SELENOT: variants seen among roughly 807,000 people sequenced by gnomAD.
SELENOT encodes the protein thioredoxin reductase-like selenoprotein T.
Under a neutral mutation model 24.3 loss-of-function variants are expected in SELENOT, and 9 were observed. The observed-to-expected ratio is 0.37, with a 90% CI of 0.22 to 0.65. The LOEUF (loss-of-function observed/expected upper bound fraction) is 0.65, where lower values mean the gene tolerates loss of function less well. SELENOT is among the 30% of genes least tolerant of loss of function. The probability of loss-of-function intolerance (pLI) is 0.60; values close to 1 mark genes in which losing one functional copy is unlikely to be tolerated. For synonymous variants in SELENOT, 81 were observed against 86.0 expected, an observed-to-expected ratio of 0.94 and a Z score of 0.32; for missense variants, 166 against 247.6, an observed-to-expected ratio of 0.67 and a Z score of 2.21.
At chr3:150,614,537 CAG>C (rs1364210123) in intron 1 of SELENOT, 2 of 154,214 alleles carry the variant, frequency 1.3e-5, no homozygotes, top group East Asian at 1.9e-4. Flanking sequence ...TATTTAGTGA[CAG>C]AGCTAGAACT....
intron 4 of SELENOT, among the ~76,000 whole-genome samples, chr3:150,625,127 C>CCTTCG (rs749652422): frequency 1.2e-4 from 18 of 151,730 alleles, no homozygotes; most frequent in Admixed American, 2.0e-4. Flanking sequence ...GAACTTCACA[C>CCTTCG]CTTCGAATTC....
Position 150,623,025 on chromosome 3 carries a change from T to C in SELENOT, c.249-18T>C. On this transcript the variant is annotated intron_variant, in intron 2 of 5. Coordinates refer to ENST00000471696, the MANE Select transcript of SELENOT (RefSeq NM_016275.5). ...GAAATTGTGGCTTCTGATGATTTTC[T>C]TTCTTTTCTTTTGATAGACACATAG... 1 of 1,504,062 alleles carries C rather than the reference T, an allele frequency of 6.6e-7. No individual in the cohort carries two copies. Among genetic ancestry groups the C allele is most frequent in the Non-Finnish European group, 8.9e-7 (1 of 1,125,968 alleles). The allele number at this position is 1,504,062 out of a possible 1,614,324, so 93.2% of individuals were successfully genotyped here.
chr3:150,627,201 G>C, intron 5 of SELENOT, 38 bp downstream of exon 5: 2 of 1,472,136 alleles, frequency 1.4e-6, no homozygotes, highest in South Asian at 2.7e-5. Flanking sequence ...ATAGGTTTCT[G>C]TTGATTCTTA....
At chr3:150,618,315 G>A (rs1271890543) in intron 1 of SELENOT, among the ~76,000 whole-genome samples, 2 of 152,188 alleles carry the variant, frequency 1.3e-5, no homozygotes, top group South Asian at 2.1e-4. Context: ...TGAATCAAAC[G>A]AGAGAGTGAA....
rs1452993847 is a variant in SELENOT at position 150,627,974 on chromosome 3, G to A, written c.*345G>A. On this transcript the variant is annotated 3_prime_UTR_variant, in exon 6 of 6. Coordinates refer to ENST00000471696, the MANE Select transcript of SELENOT (RefSeq NM_016275.5). ...CATATTTGAAAAAGTAGAAAATTGA[G>A]TTACAATTTGATTTTTTTTCCAAAG... 2 of 151,910 alleles carry A rather than the reference G, an allele frequency of 1.3e-5. No homozygotes were observed. Among genetic ancestry groups the A allele is most frequent in the Admixed American group, 1.3e-4 (2 of 15,264 alleles). 9.4% of individuals were successfully genotyped at this position (151,910 alleles called of 1,614,324 possible).
At chr3:150,623,195 C>T in intron 3 of SELENOT, 26 bp downstream of exon 3, 1 of 1,549,662 alleles carries the variant, frequency 6.5e-7, no homozygotes, top group Non-Finnish European at 8.7e-7. Flanking sequence ...GCTTTGGTAA[C>T]TGTAGGTTTT....
At chr3:150,625,851 T>TATC (rs1221052022) in intron 4 of SELENOT, among the ~76,000 whole-genome samples, 1 of 151,708 alleles carries the variant, frequency 6.6e-6, no homozygotes, top group Non-Finnish European at 1.5e-5. Flanking sequence ...AATTGACCAA[T>TATC]ATCTGTTCTA....
At position 150,603,401 on chromosome 3, in the gene SELENOT, G is replaced by T. The variant is rs748623821; in HGVS notation, c.39G>T (p.Ala13=). 11 of 1,613,044 alleles carry T rather than the reference G, an allele frequency of 6.8e-6. No individual in the cohort carries two copies. The highest frequency in any genetic ancestry group is 9.3e-6 in the Non-Finnish European group (11 of 1,179,306). Residue 13 remains alanine, a synonymous_variant, in exon 1 of 6, where the codon GCG becomes GCT. Transcript: ENST00000471696. Reference sequence around the variant, plus strand: ...TGCTTCTCCTAGTGGCGGCGTCTGCGATGGTCCGGAGCGAGGCCTCGGCCA... The same window carrying T: ...TGCTTCTCCTAGTGGCGGCGTCTGCTATGGTCCGGAGCGAGGCCTCGGCCA... The part of the protein sequence containing the change: ...LLLLLLVAAS[A]MVRSEASANL...
At position 150,628,347 on chromosome 3, in the gene SELENOT, TAACTA is replaced by T. The variant is rs1361867819; in HGVS notation, c.*721_*725del. ...GATTAATTAACTGGGCCTTTATACT[TAACTA>T]AATAAAAAACTAAGCAGATATGAGT... On this transcript the variant is annotated 3_prime_UTR_variant, in exon 6 of 6. Coordinates refer to ENST00000471696, the MANE Select transcript of SELENOT (RefSeq NM_016275.5). 2 of 152,630 alleles carry T rather than the reference TAACTA, an allele frequency of 1.3e-5. No individual in the cohort carries two copies. The highest frequency in any genetic ancestry group is 2.9e-5 in the Non-Finnish European group (2 of 68,016). The allele number at this position is 152,630 out of a possible 1,614,324, so 9.5% of individuals were successfully genotyped here.
intron 1 of SELENOT, among the ~76,000 whole-genome samples, chr3:150,607,624 T>G (rs1362063262): frequency 6.6e-6 from 1 of 152,218 alleles, no homozygotes; most frequent in Non-Finnish European, 1.5e-5. Context: ...TGTGGTGGTA[T>G]GAGAGATGCC....
rs1320290125 is a variant in SELENOT at position 150,630,287 on chromosome 3, CA to C, written c.*2663del. On this transcript the variant is annotated 3_prime_UTR_variant, in exon 6 of 6. Coordinates refer to ENST00000471696, the MANE Select transcript of SELENOT (RefSeq NM_016275.5). ...CATTGTCAGAATTTAATTTAGATTT[CA>C]AAAATAGCTTACAGGATTTTAAACA... The C allele has an allele frequency of 6.6e-6, 1 of 151,966 alleles. No homozygotes were observed. The highest frequency in any genetic ancestry group is 6.6e-5 in the Admixed American group (1 of 15,250). 9.4% of individuals were successfully genotyped at this position (151,966 alleles called of 1,614,324 possible).
intron 1 of SELENOT, among the ~76,000 whole-genome samples, chr3:150,605,471 C>A (rs1725942064): frequency 6.6e-6 from 1 of 152,088 alleles, no homozygotes; most frequent in South Asian, 2.1e-4. Context: ...GTAAGTACTT[C>A]AGTTAAACTT....
rs1726472839 is a variant in SELENOT at position 150,627,715 on chromosome 3, A to G, written c.*86A>G. ...CTGACATTATGAAGGCCTGTACTGAAGACAGCAAGCTGTTAGTACAGACCA... is the reference window on the plus strand; with the variant it reads ...CTGACATTATGAAGGCCTGTACTGAGGACAGCAAGCTGTTAGTACAGACCA... On this transcript the variant is annotated 3_prime_UTR_variant, in exon 6 of 6. Transcript: ENST00000471696. 6.5e-6 allele frequency: 1 copy of G among 152,734 alleles called. No individual in the cohort carries two copies. Among genetic ancestry groups the G allele is most frequent in the Non-Finnish European group, 1.5e-5 (1 of 68,086 alleles). 9.5% of individuals were successfully genotyped at this position (152,734 alleles called of 1,614,324 possible).
chr3:150,615,786 A>G (rs1277200655), intron 1 of SELENOT, among the ~76,000 whole-genome samples: 3 of 152,154 alleles, frequency 2.0e-5, no homozygotes, highest in South Asian at 4.2e-4. Flanking sequence ...AAGGTAATTT[A>G]CAGATTCAAT....
chr3:150,623,848 G>T (rs1726387861), intron 3 of SELENOT, among the ~76,000 whole-genome samples: 1 of 151,620 alleles, frequency 6.6e-6, no homozygotes. Context: ...GTCTAAAATG[G>T]GTCTAATTTT....
chr3:150,622,077 TGTC>T lies in SELENOT; in HGVS notation c.138-307_138-305del, dbSNP rs1041886023. Among the ~76,000 whole-genome samples the T allele has an allele frequency of 2.6e-5, 4 of 152,052 alleles. 1 individual carries two copies. ...CTGAATGTGAATAGGTATTTGCTGT[TGTC>T]CAACAGTAACCCAAATCTATAAAGT... is the stretch of plus-strand genomic sequence containing the variant. On this transcript the variant is annotated intron_variant, in intron 1 of 5. Transcript: ENST00000471696.
At chr3:150,607,562 C>T (rs958569628) in intron 1 of SELENOT, among the ~76,000 whole-genome samples, 2 of 152,186 alleles carry the variant, frequency 1.3e-5, no homozygotes, top group Non-Finnish European at 2.9e-5. Context: ...AATCCATGGA[C>T]TGACCACACA....
chr3:150,611,539 CTCTT>C, intron 1 of SELENOT: 3 of 1,153,270 alleles, frequency 2.6e-6, no homozygotes, highest in Non-Finnish European at 2.6e-6. Context: ...ACTCCCTTTT[CTCTT>C]TCTTCTGTTT....
intron 4 of SELENOT, among the ~76,000 whole-genome samples, chr3:150,626,128 G>A (rs542340986): frequency 6.6e-6 from 1 of 152,172 alleles, no homozygotes; most frequent in South Asian, 2.1e-4. Flanking sequence ...CTCCACCTCC[G>A]CCTCCCAAAG....
Sources: allele counts gnomAD v4.1 joint callset (sites outside exome capture counted in the v4.1 genomes callset), GRCh38; gene constraint gnomAD v4.1.1; transcripts MANE v1.5; gene names NCBI Gene and HGNC (gene_info 2026-07-23, HGNC 2026-07-21).